MSH4: variants seen among roughly 807,000 people sequenced by gnomAD.
MSH4 encodes mutS homolog 4.
In MSH4, 106 loss-of-function variants were observed where a neutral mutation model predicts 113.7. The ratio of observed to expected loss-of-function variants is 0.93; its 90% confidence interval spans 0.80 to 1.10. The LOEUF (loss-of-function observed/expected upper bound fraction) is 1.10, where lower values mean the gene tolerates loss of function less well. Among genes scored for constraint, MSH4 ranks in the 50% least tolerant of loss-of-function variants. MSH4 has a pLI of 0.00. For missense variants in MSH4, 1,061 were observed against 1,093.7 expected, an observed-to-expected ratio of 0.97 and a Z score of 0.42; for synonymous variants, 368 against 380.2, an observed-to-expected ratio of 0.97 and a Z score of 0.37.
At chr1:75,800,105 C>CT (rs1649903794) in intron 1 of MSH4, among the ~76,000 whole-genome samples, 1 of 152,036 alleles carries the variant, frequency 6.6e-6, no homozygotes, top group African/African-American at 2.4e-5. Flanking sequence ...GGTATATAGT[C>CT]TAAAAGTAGT....
intron 7 of MSH4, among the ~76,000 whole-genome samples, chr1:75,825,036 T>A (rs1039195054): frequency 1.3e-4 from 19 of 151,758 alleles, no homozygotes; most frequent in African/African-American, 4.6e-4. Flanking sequence ...TAACATTGAA[T>A]CTATAAATTA....
intron 8 of MSH4, among the ~76,000 whole-genome samples, chr1:75,859,927 T>A (rs1437432134): frequency 1.3e-5 from 2 of 151,830 alleles, no homozygotes; most frequent in Non-Finnish European, 2.9e-5. Flanking sequence ...AGAACTTGCT[T>A]TATGAATCTG....
chr1:75,829,288 A>G (rs1042732280), intron 7 of MSH4, among the ~76,000 whole-genome samples: 2 of 152,202 alleles, frequency 1.3e-5, no homozygotes, highest in African/African-American at 4.8e-5. Flanking sequence ...GCGGCCAGGA[A>G]GCTCAAACTG....
chr1:75,912,681 T>C lies in MSH4; in HGVS notation c.2620-15T>C. 2 of 1,415,354 alleles carry C rather than the reference T, an allele frequency of 1.4e-6. No individual in the cohort carries two copies. The highest frequency in any genetic ancestry group is 1.9e-6 in the Non-Finnish European group (2 of 1,079,290). 87.7% of individuals were successfully genotyped at this position (1,415,354 alleles called of 1,614,324 possible). A position where few individuals can be genotyped will look rare whatever the true frequency, so the allele number is the denominator to read the frequency against. ...TTGTGTATATATATATATATTTTTT[T>C]TTTTTCAATGACAGCAAAACCAAAG... On this transcript the variant is annotated splice_polypyrimidine_tract_variant and intron_variant, in intron 19 of 19. Coordinates refer to ENST00000263187, the MANE Select transcript of MSH4 (RefSeq NM_002440.4).
chr1:75,801,872 T>C (rs1267084901), intron 1 of MSH4, among the ~76,000 whole-genome samples: 2 of 151,280 alleles, frequency 1.3e-5, no homozygotes, highest in Admixed American at 1.3e-4. Context: ...CTTGTCTTTA[T>C]AAGACAGTAA....
chr1:75,905,763 G>T (rs981116137), intron 19 of MSH4, among the ~76,000 whole-genome samples: 2 of 151,950 alleles, frequency 1.3e-5, no homozygotes, highest in African/African-American at 4.8e-5. Flanking sequence ...TAATTGTTAT[G>T]TCCTCTTGCT....
intron 16 of MSH4, among the ~76,000 whole-genome samples, chr1:75,889,924 G>T (rs1336594431): frequency 6.6e-6 from 1 of 151,990 alleles, no homozygotes; most frequent in African/African-American, 2.4e-5. Flanking sequence ...CAAGTAGATA[G>T]GTGGTGACTA....
At chr1:75,909,409 CTG>C (rs1248588364) in intron 19 of MSH4, among the ~76,000 whole-genome samples, 1 of 151,590 alleles carries the variant, frequency 6.6e-6, no homozygotes, top group African/African-American at 2.4e-5. Flanking sequence ...TTTTGGTTCT[CTG>C]TGGGGAGAGC....
intron 8 of MSH4, among the ~76,000 whole-genome samples, chr1:75,856,826 T>C (rs995866577): frequency 6.6e-6 from 1 of 152,232 alleles, no homozygotes; most frequent in African/African-American, 2.4e-5. Flanking sequence ...CTGGGTCAAA[T>C]GGTATTTCCA....
intron 19 of MSH4, among the ~76,000 whole-genome samples, chr1:75,907,884 T>C (rs1455651874): frequency 6.6e-6 from 1 of 150,608 alleles, no homozygotes. Flanking sequence ...GCCTGTCTAA[T>C]TTTTTTAGTG....
At position 75,806,974 on chromosome 1, in the gene MSH4, T is replaced by C; in HGVS notation, c.428-7T>C. 1 of 1,550,972 alleles carries C rather than the reference T, an allele frequency of 6.4e-7. No individual in the cohort carries two copies. Among genetic ancestry groups the C allele is most frequent in the Non-Finnish European group, 8.6e-7 (1 of 1,159,728 alleles). ...TTTATATCTTTTCTTTATTTAAAAA[T>C]TTACAGCTTCATCCTCATCTGCGAT... is the stretch of plus-strand genomic sequence containing the variant. On this transcript the variant is annotated splice_region_variant and splice_polypyrimidine_tract_variant and intron_variant, in intron 2 of 19. Transcript: ENST00000263187.
At chr1:75,799,074 C>G (rs1412711622) in intron 1 of MSH4, among the ~76,000 whole-genome samples, 1 of 152,190 alleles carries the variant, frequency 6.6e-6, no homozygotes, top group African/African-American at 2.4e-5. Context: ...ACCCTGCTTT[C>G]TAACAAAACT....
chr1:75,861,397 G>A (rs1651452652), intron 8 of MSH4, among the ~76,000 whole-genome samples: 1 of 152,158 alleles, frequency 6.6e-6, no homozygotes, highest in Non-Finnish European at 1.5e-5. Flanking sequence ...CCATCTTCAT[G>A]GTTTTATCTA....
intron 19 of MSH4, among the ~76,000 whole-genome samples, chr1:75,903,876 G>A (rs1318432207): frequency 3.3e-5 from 5 of 151,914 alleles, no homozygotes; most frequent in Non-Finnish European, 5.9e-5. Context: ...TTGCTTAATT[G>A]CTCTGGCTAG....
At position 75,796,968 on chromosome 1, in the gene MSH4, C is replaced by T; in HGVS notation, c.-18C>T. The T allele has an allele frequency of 6.2e-7, 1 of 1,613,484 alleles. No individual in the cohort carries two copies. Among genetic ancestry groups the T allele is most frequent in the Non-Finnish European group, 8.5e-7 (1 of 1,179,780 alleles). On this transcript the variant is annotated 5_prime_UTR_variant, in exon 1 of 20. Coordinates refer to ENST00000263187, the MANE Select transcript of MSH4 (RefSeq NM_002440.4). ...CTCAGAAACCTCATACTTCTCGGGT[C>T]AGGGAAGGTTTGGGAGGATGCTGAG... is the stretch of plus-strand genomic sequence containing the variant.
chr1:75,814,764 T>C (rs1212645261), intron 4 of MSH4, among the ~76,000 whole-genome samples: 1 of 152,116 alleles, frequency 6.6e-6, no homozygotes, highest in Admixed American at 6.5e-5. Flanking sequence ...AACTGTCATG[T>C]TTATTTTTTA....
intron 19 of MSH4, among the ~76,000 whole-genome samples, chr1:75,912,134 A>G (rs1433172509): frequency 6.6e-6 from 1 of 152,082 alleles, no homozygotes; most frequent in Non-Finnish European, 1.5e-5. Context: ...TTTACCCCTC[A>G]GGCAGTATTT....
chr1:75,857,589 G>C (rs1419009337), intron 8 of MSH4, among the ~76,000 whole-genome samples: 3 of 152,190 alleles, frequency 2.0e-5, no homozygotes, highest in Non-Finnish European at 2.9e-5. Context: ...TCAAAGATCA[G>C]ATGGTCGTAC....
intron 8 of MSH4, among the ~76,000 whole-genome samples, chr1:75,866,639 G>C (rs986502618): frequency 1.3e-5 from 2 of 152,116 alleles, no homozygotes; most frequent in East Asian, 1.9e-4. Context: ...TATGGTCACA[G>C]AACAGTCCAG....
Sources: allele counts gnomAD v4.1 joint callset (sites outside exome capture counted in the v4.1 genomes callset), GRCh38; gene constraint gnomAD v4.1.1; transcripts MANE v1.5; gene names NCBI Gene and HGNC (gene_info 2026-07-23, HGNC 2026-07-21).